The following ALDH2 variants were observed in gnomAD, a reference collection of about 807,000 sequenced individuals.
ALDH2 encodes the protein aldehyde dehydrogenase, mitochondrial.
A neutral mutation model predicts 59.6 loss-of-function variants in ALDH2; 44 were observed. That is an observed-to-expected ratio of 0.74 (90% CI 0.58 to 0.95). The LOEUF (loss-of-function observed/expected upper bound fraction) is 0.95, where lower values mean the gene tolerates loss of function less well. Among genes scored for constraint, ALDH2 ranks in the 40% least tolerant of loss-of-function variants. The pLI, the probability that ALDH2 is intolerant of heterozygous loss-of-function variation, is 0.00. For missense variants in ALDH2, 570 were observed against 696.3 expected, an observed-to-expected ratio of 0.82 and a Z score of 2.04; for synonymous variants, 291 against 284.0, an observed-to-expected ratio of 1.02 and a Z score of -0.25.
chr12:111,810,309 A>C lies in ALDH2; in HGVS notation c.*734A>C, dbSNP rs1045430326. ...TCAGAGCGAGACTCCATCTCAAAAAAAGTAAATAAATGAAATAGCCTAAGG... is the reference window on the plus strand; with the variant it reads ...TCAGAGCGAGACTCCATCTCAAAAACAGTAAATAAATGAAATAGCCTAAGG... On this transcript the variant is annotated 3_prime_UTR_variant, in exon 13 of 13. Coordinates refer to ENST00000261733, the MANE Select transcript of ALDH2 (RefSeq NM_000690.4). 6.6e-6 allele frequency: 1 copy of C among 152,314 alleles called. No homozygotes were observed. The highest frequency in any genetic ancestry group is 2.4e-5 in the African/African-American group (1 of 41,452). 9.4% of individuals were successfully genotyped at this position (152,314 alleles called of 1,614,324 possible).
At position 111,771,875 on chromosome 12, in the gene ALDH2, G is replaced by A. The variant is rs148145145; in HGVS notation, c.114+4779G>A. On this transcript the variant is annotated intron_variant, in intron 1 of 12. Transcript: ENST00000261733. The stretch of plus-strand genomic sequence containing the variant: ...GCACTTTGGGAGGCTGAGGCGGGCA[G>A]ATTGCTTGAGCACAGGAGTTCGAGA... Among the ~76,000 whole-genome samples, 95 of 152,260 alleles carry A rather than the reference G, an allele frequency of 6.2e-4. 2 individuals carry two copies. The East Asian group carries it at 0.017, about 28-fold the overall frequency.
chr12:111,799,205 G>A lies in ALDH2; in HGVS notation c.1249-701G>A, dbSNP rs761242636. Among the ~76,000 whole-genome samples, 30 of 148,992 alleles carry A rather than the reference G, an allele frequency of 2.0e-4. 1 individual carries two copies. The highest frequency in any genetic ancestry group is 3.0e-4 in the African/African-American group (12 of 40,606). ...TTTTGAGATGGAGTCTCACTCTGTC[G>A]CCAGGCTGGAGTGCAGTGGTGCAAT... On this transcript the variant is annotated intron_variant, in intron 10 of 12. Transcript: ENST00000261733.
chr12:111,803,271 T>G (rs2068468530), intron 11 of ALDH2, among the ~76,000 whole-genome samples: 2 of 150,396 alleles, frequency 1.3e-5, no homozygotes, highest in Non-Finnish European at 2.9e-5. Context: ...TTAATAATTT[T>G]TTTAAATTGC....
chr12:111,779,347 A>G (rs1013568973), intron 1 of ALDH2, among the ~76,000 whole-genome samples: 1 of 151,660 alleles, frequency 6.6e-6, no homozygotes, highest in African/African-American at 2.4e-5. Flanking sequence ...ATGCGACCAC[A>G]CTTGGCTAAT....
At chr12:111,791,044 G>A (rs981648367) in intron 6 of ALDH2, among the ~76,000 whole-genome samples, 2 of 152,076 alleles carry the variant, frequency 1.3e-5, no homozygotes, top group African/African-American at 4.8e-5. Context: ...GAGAGACTCG[G>A]TCTCAAAAAA....
intron 12 of ALDH2, among the ~76,000 whole-genome samples, chr12:111,808,544 A>C (rs914175329): frequency 6.6e-6 from 1 of 152,060 alleles, no homozygotes; most frequent in Non-Finnish European, 1.5e-5. Flanking sequence ...TTCTCTACTA[A>C]AAACACAAAA....
chr12:111,767,858 T>A (rs1353275153), intron 1 of ALDH2, among the ~76,000 whole-genome samples: 1 of 152,236 alleles, frequency 6.6e-6, no homozygotes, highest in Non-Finnish European at 1.5e-5. Flanking sequence ...GTTTGTTTTG[T>A]TTGTGCCAGT....
In ALDH2 at chr12:111,766,988, G is replaced by A. The variant is rs1434409537; in HGVS notation, c.6G>A (p.Leu2=). ...CTGTCCGCTAGCCCGCTGCGATGTT[G>A]CGCGCTGCCGCCCGCTTCGGGCCCC... is the stretch of plus-strand genomic sequence containing the variant. M[L]RAAARFGPRL... is the part of the protein sequence containing the mutation. Residue 2 remains leucine, a synonymous_variant, in exon 1 of 13, where the codon TTG becomes TTA. Coordinates refer to ENST00000261733, the MANE Select transcript of ALDH2 (RefSeq NM_000690.4). 2 of 1,521,794 alleles carry A rather than the reference G, an allele frequency of 1.3e-6. No individual in the cohort carries two copies. The highest frequency in any genetic ancestry group is 8.8e-7 in the Non-Finnish European group (1 of 1,141,320). 94.3% of individuals were successfully genotyped at this position (1,521,794 alleles called of 1,614,324 possible). A position where few individuals can be genotyped will look rare whatever the true frequency, so the allele number is the denominator to read the frequency against.
At chr12:111,803,747 AT>A (rs377262633) in intron 11 of ALDH2, 111 bp from the exon 12 acceptor site, 1,327 of 621,340 alleles carry the variant, frequency 2.1e-3, no homozygotes, top group East Asian at 0.015. Context: ...AAAAAAAAAA[AT>A]TTTTTTTTAA....
At chr12:111,779,353 C>A (rs559606386) in intron 1 of ALDH2, among the ~76,000 whole-genome samples, 1 of 152,144 alleles carries the variant, frequency 6.6e-6, no homozygotes, top group South Asian at 2.1e-4. Flanking sequence ...CCACACTTGG[C>A]TAATTTTTCA....
intron 4 of ALDH2, among the ~76,000 whole-genome samples, chr12:111,789,122 A>C (rs1593077807): frequency 6.9e-6 from 1 of 145,870 alleles, no homozygotes; most frequent in Non-Finnish European, 1.5e-5. Context: ...GGTTTAAGCC[A>C]TTCTTCTGCC....
intron 12 of ALDH2, among the ~76,000 whole-genome samples, chr12:111,808,172 GC>G (rs779755432): frequency 2.0e-5 from 3 of 152,030 alleles, no homozygotes; most frequent in Admixed American, 6.6e-5. Context: ...ACTGTGCCTG[GC>G]CCACTCAATT....
In ALDH2 at chr12:111,811,893, G is replaced by T; in HGVS notation, c.*2318G>T. 1 of 179,870 alleles carries T rather than the reference G, an allele frequency of 5.6e-6. No individual in the cohort carries two copies. Among genetic ancestry groups the T allele is most frequent in the Non-Finnish European group, 1.1e-5 (1 of 89,950 alleles). The allele number at this position is 179,870 out of a possible 1,614,324, so 11.1% of individuals were successfully genotyped here. A position where few individuals can be genotyped will look rare whatever the true frequency, so the allele number is the denominator to read the frequency against. On this transcript the variant is annotated 3_prime_UTR_variant, in exon 13 of 13. Coordinates refer to ENST00000261733, the MANE Select transcript of ALDH2 (RefSeq NM_000690.4). ...AAAGAAAAGACAGCTGGGCTTGGGG[G>T]ACCACTACCACCAAGAGGCGGAGAC...
At chr12:111,807,418 A>C (rs1168728121) in intron 12 of ALDH2, among the ~76,000 whole-genome samples, 4 of 152,198 alleles carry the variant, frequency 2.6e-5, no homozygotes, top group Admixed American at 2.6e-4. Context: ...CTGCCCGAGC[A>C]GAGTCCACAA....
At chr12:111,808,127 G>A (rs1169568329) in intron 12 of ALDH2, among the ~76,000 whole-genome samples, 4 of 151,884 alleles carry the variant, frequency 2.6e-5, no homozygotes, top group South Asian at 2.1e-4. Context: ...TGCCTGCCTC[G>A]GCCTCCCAAA....
At chr12:111,806,988 C>T (rs747793810) in intron 12 of ALDH2, among the ~76,000 whole-genome samples, 12 of 150,864 alleles carry the variant, frequency 8.0e-5, no homozygotes, top group South Asian at 6.3e-4. Context: ...ACAAACAGAC[C>T]GGGCATGGTG....
Position 111,809,703 on chromosome 12 carries a change from G to C in ALDH2, c.*128G>C. On this transcript the variant is annotated 3_prime_UTR_variant, in exon 13 of 13. Transcript: ENST00000261733. ...AAATTTTTCCTACAAAATCTCTTGG[G>C]TCAAGAAAGTTCTAGAATTTGAATT... 4 of 1,045,134 alleles carry C rather than the reference G, an allele frequency of 3.8e-6. 1 individual carries two copies. In the South Asian group the frequency reaches 5.7e-5, roughly 15 times the overall value. The allele number at this position is 1,045,134 out of a possible 1,614,324, so 64.7% of individuals were successfully genotyped here. A position where few individuals can be genotyped will look rare whatever the true frequency, so the allele number is the denominator to read the frequency against.
At chr12:111,783,467 T>A (rs2068288523) in intron 3 of ALDH2, among the ~76,000 whole-genome samples, 169 bp downstream of exon 3, 1 of 152,212 alleles carries the variant, frequency 6.6e-6, no homozygotes. Context: ...ACCTCTGTAC[T>A]AACCAGAGGA....
rs180743898 is a variant in ALDH2, at chr12:111,775,112, C to T, written c.115-6806C>T. Among the ~76,000 whole-genome samples, 131 of 152,320 alleles carry T rather than the reference C, an allele frequency of 8.6e-4. No homozygotes were observed. In the Middle Eastern group the frequency reaches 0.044, roughly 51 times the overall value. On this transcript the variant is annotated intron_variant, in intron 1 of 12. Transcript: ENST00000261733. ...TGAGGCAGAGCTGCCTGTGGAATAA[C>T]GTCCAAGAGAAACTGAGAAAAGCGA...
Sources: gnomAD v4.1 joint callset for allele counts (sites outside exome capture counted in the v4.1 genomes callset) on GRCh38, gnomAD v4.1.1 for gene constraint, MANE v1.5 for transcripts, NCBI Gene and HGNC (gene_info 2026-07-23, HGNC 2026-07-21) for gene names.